The following CABP1 variants were observed in gnomAD, a reference collection of about 807,000 sequenced individuals.
CABP1 encodes calcium-binding protein 1.
Under a neutral mutation model 34.3 loss-of-function variants are expected in CABP1, and 17 were observed. The observed-to-expected ratio is 0.50, with a 90% CI of 0.34 to 0.74. CABP1 has a LOEUF of 0.74. Among genes scored for constraint, CABP1 ranks in the 30% least tolerant of loss-of-function variants. The pLI, the probability that CABP1 is intolerant of heterozygous loss-of-function variation, is 0.01. For missense variants in CABP1, 373 were observed against 511.1 expected (o/e 0.73, Z 2.61); for synonymous variants, 198 against 229.2 (o/e 0.86, Z 1.23).
chr12:120,674,957 C>G, the CABP1 span, among the ~76,000 whole-genome samples: 3 of 151,716 alleles, frequency 2.0e-5, no homozygotes, highest in African/African-American at 7.3e-5. Context: ...CTGACCCCAG[C>G]TCTGCCACTT....
the CABP1 span, among the ~76,000 whole-genome samples, chr12:120,678,194 G>A: frequency 6.6e-6 from 1 of 152,172 alleles, no homozygotes; most frequent in South Asian, 2.1e-4. Context: ...TTTGTTGTGA[G>A]TTTATCTTTA....
At chr12:120,676,052 C>A in the CABP1 span, among the ~76,000 whole-genome samples, 2 of 152,040 alleles carry the variant, frequency 1.3e-5, no homozygotes, top group Admixed American at 6.6e-5. Context: ...CTCCAGCCTG[C>A]ATGATGAGAG....
chr12:120,659,840 C>T (rs772135108), intron 1 of CABP1, 38 bp from the exon 2 acceptor site: 3 of 1,609,158 alleles, frequency 1.9e-6, no homozygotes, highest in South Asian at 2.2e-5. Context: ...CTTCCAGGTC[C>T]CTTGTCGCGG....
the CABP1 span, among the ~76,000 whole-genome samples, chr12:120,677,414 T>TG: frequency 9.0e-6 from 1 of 110,834 alleles, no homozygotes; most frequent in Non-Finnish European, 1.9e-5. Context: ...TTTTTTTTTT[T>TG]GAGACAGAGT....
downstream of CABP1, among the ~76,000 whole-genome samples, chr12:120,670,670 C>T (rs574013297): frequency 6.6e-4 from 100 of 152,144 alleles, 1 homozygote; most frequent in Non-Finnish European, 1.2e-3. Context: ...ATCACTTGAA[C>T]CCGGGAGGCA....
intron 1 of CABP1, chr12:120,655,848 TGTGC>T (rs769849243): frequency 0.027 from 41,179 of 1,520,142 alleles, 395 homozygotes; most frequent in African/African-American, 0.086. Context: ...TGTGTGTGTG[TGTGC>T]GCATGTGCCA....
intron 1 of CABP1, 80 bp from the exon 2 acceptor site, chr12:120,659,798 C>A: frequency 7.2e-7 from 1 of 1,398,118 alleles, no homozygotes; most frequent in Non-Finnish European, 1.0e-6. Flanking sequence ...CCTGCTGCCA[C>A]GTGGATGGCC....
chr12:120,674,715 C>G, the CABP1 span, among the ~76,000 whole-genome samples: 1 of 152,096 alleles, frequency 6.6e-6, no homozygotes, highest in Non-Finnish European at 1.5e-5. Flanking sequence ...TGGTGAAACC[C>G]CGTCTCTACT....
downstream of CABP1, among the ~76,000 whole-genome samples, chr12:120,669,710 C>T (rs552772167): frequency 8.6e-5 from 13 of 151,610 alleles, no homozygotes; most frequent in East Asian, 5.8e-4. Context: ...GCCGAGATCA[C>T]GCCACTTCAC....
chr12:120,641,393 C>T lies in CABP1; in HGVS notation c.654+54C>T, dbSNP rs1002972195. On this transcript the variant is annotated intron_variant, in intron 1 of 5. Coordinates refer to ENST00000316803, the MANE Select transcript of CABP1 (RefSeq NM_001033677.2). The surrounding 1 kb of genome is among the most constrained non-coding windows in gnomAD (Gnocchi z 6.7). ...CCGGGAAAGGCGCTCGGGACCCTGC[C>T]GGCCGCGGTTGCGCGTCCACAGCCT... 4.1e-5 allele frequency: 51 copies of T among 1,243,320 alleles called. No homozygotes were observed. Among genetic ancestry groups the T allele is most frequent in the Non-Finnish European group, 4.8e-5 (48 of 992,980 alleles). The allele number at this position is 1,243,320 out of a possible 1,614,324, so 77.0% of individuals were successfully genotyped here.
intron 1 of CABP1, among the ~76,000 whole-genome samples, chr12:120,651,265 T>C (rs1315812119): frequency 2.6e-5 from 4 of 151,934 alleles, no homozygotes; most frequent in African/African-American, 9.7e-5. Context: ...GCCCAGGAGT[T>C]TTTCCATTAA....
intron 1 of CABP1, 115 bp from the exon 2 acceptor site, chr12:120,659,763 C>T: frequency 2.3e-6 from 2 of 870,306 alleles, no homozygotes; most frequent in Non-Finnish European, 3.8e-6. Flanking sequence ...ACCTGTGCTG[C>T]ATCCTCGTCA....
At chr12:120,665,316 C>T (rs1880901543) in intron 5 of CABP1, among the ~76,000 whole-genome samples, 2 of 151,842 alleles carry the variant, frequency 1.3e-5, no homozygotes, top group African/African-American at 2.4e-5. Context: ...GTCCCAGCTA[C>T]CTGGAGAGCT....
At chr12:120,678,736 C>T in the CABP1 span, among the ~76,000 whole-genome samples, 3 of 152,122 alleles carry the variant, frequency 2.0e-5, no homozygotes, top group African/African-American at 7.2e-5. Flanking sequence ...ATTTACTGAT[C>T]ACTTAGCTAC....
Position 120,640,680 on chromosome 12 carries a change from T to C in CABP1, c.-6T>C. ...CGGGCTCCGGGCGTAGAGGCTGCGC[T>C]GTCACATGGGCGGCGGCGACGGGGC... On this transcript the variant is annotated 5_prime_UTR_variant, in exon 1 of 6. Transcript: ENST00000316803. This position sits in a 1 kb window ranked among gnomAD's most constrained non-coding sequence, Gnocchi z 6.2. 8.8e-7 allele frequency: 1 copy of C among 1,140,130 alleles called. No individual in the cohort carries two copies. Among genetic ancestry groups the C allele is most frequent in the Non-Finnish European group, 1.1e-6 (1 of 930,738 alleles). The allele number at this position is 1,140,130 out of a possible 1,614,324, so 70.6% of individuals were successfully genotyped here. A position where few individuals can be genotyped will look rare whatever the true frequency, so the allele number is the denominator to read the frequency against.
chr12:120,662,801 CA>C (rs1406557670), intron 5 of CABP1, among the ~76,000 whole-genome samples: 1 of 151,846 alleles, frequency 6.6e-6, no homozygotes, highest in Admixed American at 6.6e-5. Context: ...TCTCCTGCCT[CA>C]GCCTCCCGAA....
At chr12:120,650,490 C>A in intron 1 of CABP1, 1 of 1,521,716 alleles carries the variant, frequency 6.6e-7, no homozygotes, top group Non-Finnish European at 8.7e-7. Flanking sequence ...AGCACGCGCG[C>A]AAGAGAGGGC....
In CABP1 at chr12:120,641,158, C is replaced by G. The variant is rs1256143780; in HGVS notation, c.473C>G (p.Pro158Arg). 8.1e-7 allele frequency: 1 copy of G among 1,237,000 alleles called. No homozygotes were observed. The highest frequency in any genetic ancestry group is 1.0e-6 in the Non-Finnish European group (1 of 992,674). The allele number at this position is 1,237,000 out of a possible 1,614,324, so 76.6% of individuals were successfully genotyped here. A position where few individuals can be genotyped will look rare whatever the true frequency, so the allele number is the denominator to read the frequency against. ...CCGGCCGCGGCGTCCCGACCTTCGC[C>G]GTCGTCGCCGCTGCCGCCGGCCCGC... ...ALPAAASRPSPSSPLPPARGR... is the reference protein window; with the variant it reads ...ALPAAASRPSRSSPLPPARGR... The change falls in exon 1 of 6, where the codon CCG becomes CGG. Residue 158 changes from proline (P) to arginine (R), a missense_variant. This residue lies in a region of CABP1 where 121 missense variants were observed against 125.5 expected (regional missense o/e 0.96). Transcript: ENST00000316803. The surrounding 1 kb of genome is among the most constrained non-coding windows in gnomAD (Gnocchi z 6.7).
At position 120,661,438 on chromosome 12, in the gene CABP1, A is replaced by C; in HGVS notation, c.1087+220A>C. ...CTGTCCATCCATCTATCCATCCTCT[A>C]CCTTTCCATTCATCTGTCCATTTAT... On this transcript the variant is annotated intron_variant, in intron 5 of 5. Coordinates refer to ENST00000316803, the MANE Select transcript of CABP1 (RefSeq NM_001033677.2). This position sits in a 1 kb window ranked among gnomAD's most constrained non-coding sequence, Gnocchi z 5.1. The C allele has an allele frequency of 1.9e-6, 1 of 527,044 alleles. No homozygotes were observed. The highest frequency in any genetic ancestry group is 2.4e-5 in the South Asian group (1 of 42,416). The allele number at this position is 527,044 out of a possible 1,614,324, so 32.6% of individuals were successfully genotyped here. A position where few individuals can be genotyped will look rare whatever the true frequency, so the allele number is the denominator to read the frequency against.
Sources: gnomAD v4.1 joint callset for allele counts (sites outside exome capture counted in the v4.1 genomes callset) on GRCh38, gnomAD v4.1.1 for gene constraint, gnomAD v4.1.1 regional missense constraint, Gnocchi (gnomAD v3.1) non-coding constraint, MANE v1.5 for transcripts, NCBI Gene and HGNC (gene_info 2026-07-23, HGNC 2026-07-21) for gene names.